The following DOCK3 variants were observed in gnomAD, a reference collection of about 807,000 sequenced individuals.
The protein encoded by DOCK3 is dedicator of cytokinesis 3.
Under a neutral mutation model 265.6 loss-of-function variants are expected in DOCK3, and 60 were observed. That is an observed-to-expected ratio of 0.23 (90% CI 0.18 to 0.28). The LOEUF (loss-of-function observed/expected upper bound fraction) is 0.28. Among genes scored for constraint, DOCK3 ranks in the 10% least tolerant of loss-of-function variants. The probability of loss-of-function intolerance (pLI) is 1.00; values close to 1 mark genes in which losing one functional copy is unlikely to be tolerated. For synonymous variants in DOCK3, 881 were observed against 938.0 expected (o/e 0.94, Z 1.11); for missense variants, 1,981 against 2,594.3 (o/e 0.76, Z 5.14).
intron 2 of DOCK3, among the ~76,000 whole-genome samples, chr3:50,834,987 G>A (rs954179004): frequency 6.6e-6 from 1 of 152,076 alleles, no homozygotes; most frequent in African/African-American, 2.4e-5. Context: ...TAATCACTTT[G>A]CCCATAAGGT....
At chr3:51,302,652 G>T (rs1230221518) in intron 27 of DOCK3, among the ~76,000 whole-genome samples, 1 of 152,096 alleles carries the variant, frequency 6.6e-6, no homozygotes, top group Non-Finnish European at 1.5e-5. Context: ...TGTCTGAAAA[G>T]GATTTTATTT....
chr3:51,312,801 AC>A, intron 30 of DOCK3, 42 bp from the exon 31 acceptor site: 1 of 1,582,318 alleles, frequency 6.3e-7, no homozygotes, highest in Non-Finnish European at 8.6e-7. Flanking sequence ...ATCCTCCTGA[AC>A]CTTCTCCCAC....
At chr3:51,178,658 T>G (rs2087110167) in intron 12 of DOCK3, among the ~76,000 whole-genome samples, 1 of 152,094 alleles carries the variant, frequency 6.6e-6, no homozygotes. Context: ...GATAGAAGAG[T>G]CATTTCTTGC....
At chr3:51,068,341 C>T (rs975013289) in intron 6 of DOCK3, among the ~76,000 whole-genome samples, 2 of 151,702 alleles carry the variant, frequency 1.3e-5, no homozygotes, top group African/African-American at 4.8e-5. Context: ...GAGATCGAGA[C>T]CATCCTGGCT....
chr3:50,762,048 T>C (rs1031585690), intron 1 of DOCK3, among the ~76,000 whole-genome samples: 1 of 152,052 alleles, frequency 6.6e-6, no homozygotes, highest in African/African-American at 2.4e-5. Flanking sequence ...TAGGTGGGAA[T>C]TGAACAATGA....
At chr3:50,720,022 A>T in intron 1 of DOCK3, 2 of 252,838 alleles carry the variant, frequency 7.9e-6, no homozygotes, top group Admixed American at 4.9e-5. Flanking sequence ...CTTCAAGTTC[A>T]CTAATTCTGT....
intron 5 of DOCK3, among the ~76,000 whole-genome samples, chr3:50,941,526 A>G (rs1314232780): frequency 2.0e-5 from 3 of 152,106 alleles, no homozygotes; most frequent in East Asian, 1.9e-4. Context: ...AGTTAAACAT[A>G]TACTTAATAT....
At chr3:51,290,921 T>TA (rs2081718441) in intron 27 of DOCK3, among the ~76,000 whole-genome samples, 1 of 151,908 alleles carries the variant, frequency 6.6e-6, no homozygotes, top group Non-Finnish European at 1.5e-5. Context: ...CTACTAAAAA[T>TA]ACAAAAATTA....
At chr3:50,877,481 A>G in intron 3 of DOCK3, 2 of 520,042 alleles carry the variant, frequency 3.8e-6, no homozygotes, top group South Asian at 1.4e-5. Flanking sequence ...AATTTATTTC[A>G]TTTGTTCTGT....
intron 2 of DOCK3, among the ~76,000 whole-genome samples, chr3:50,782,735 C>T (rs2041985347): frequency 1.3e-5 from 2 of 151,876 alleles, no homozygotes; most frequent in African/African-American, 2.4e-5. Context: ...GCACCCATCA[C>T]CCGAGCAGTG....
chr3:51,318,338 C>T (rs2083485388), intron 32 of DOCK3, among the ~76,000 whole-genome samples: 1 of 152,104 alleles, frequency 6.6e-6, no homozygotes. Flanking sequence ...GAGATCGCAC[C>T]ACTGCTCACC....
At chr3:51,008,830 G>A (rs541555228) in intron 5 of DOCK3, among the ~76,000 whole-genome samples, 1 of 152,120 alleles carries the variant, frequency 6.6e-6, no homozygotes, top group African/African-American at 2.4e-5. Flanking sequence ...AGCATGAAGG[G>A]CTGTTGAATT....
At chr3:51,021,860 A>C (rs1336942886) in intron 5 of DOCK3, among the ~76,000 whole-genome samples, 1 of 151,838 alleles carries the variant, frequency 6.6e-6, no homozygotes, top group Non-Finnish European at 1.5e-5. Flanking sequence ...AAGGGGTTTC[A>C]CTGTGTTGGC....
At chr3:51,169,175 T>G (rs1315633211) in intron 12 of DOCK3, among the ~76,000 whole-genome samples, 2 of 152,252 alleles carry the variant, frequency 1.3e-5, no homozygotes, top group Non-Finnish European at 2.9e-5. Flanking sequence ...GAAAGCAGTA[T>G]GTTGATTCCT....
chr3:51,220,036 A>G (rs1310622893), intron 14 of DOCK3, among the ~76,000 whole-genome samples: 1 of 152,192 alleles, frequency 6.6e-6, no homozygotes, highest in East Asian at 1.9e-4. Context: ...AGAAGAAGAA[A>G]GAATCCTTCT....
intron 6 of DOCK3, among the ~76,000 whole-genome samples, chr3:51,073,857 A>T (rs113135259): frequency 6.6e-6 from 1 of 152,266 alleles, no homozygotes; most frequent in African/African-American, 2.4e-5. Flanking sequence ...CTGTTAGTAC[A>T]TTTGCTTCTA....
chr3:51,075,581 A>G (rs2082030203), intron 7 of DOCK3, 141 bp downstream of exon 7: 1 of 647,718 alleles, frequency 1.5e-6, no homozygotes, highest in Non-Finnish European at 2.6e-6. Context: ...TATTCTGGCC[A>G]TATCTGTCAC....
At chr3:50,857,901 C>A (rs2046687480) in intron 3 of DOCK3, among the ~76,000 whole-genome samples, 1 of 152,134 alleles carries the variant, frequency 6.6e-6, no homozygotes, top group Admixed American at 6.5e-5. Flanking sequence ...CTAGAAATAC[C>A]ATTTGATCCA....
At chr3:51,362,716 G>A in intron 49 of DOCK3, 42 bp downstream of exon 49, 1 of 1,602,456 alleles carries the variant, frequency 6.2e-7, no homozygotes, top group Middle Eastern at 1.7e-4. Context: ...GAGAAGAGAG[G>A]TCTTCATCAA....
Sources: allele counts gnomAD v4.1 joint callset (sites outside exome capture counted in the v4.1 genomes callset), GRCh38; gene constraint gnomAD v4.1.1; transcripts MANE v1.5; gene names NCBI Gene and HGNC (gene_info 2026-07-23, HGNC 2026-07-21).